The following AGAP3 variants were observed in gnomAD, a reference collection of about 807,000 sequenced individuals.
AGAP3 encodes the protein ArfGAP with GTPase domain, ankyrin repeat and PH domain 3.
In AGAP3, 24 loss-of-function variants were observed where a neutral mutation model predicts 96.9. The ratio of observed to expected loss-of-function variants is 0.25; its 90% CI spans 0.18 to 0.35. The LOEUF is 0.35. Among genes scored for constraint, AGAP3 ranks in the 10% least tolerant of loss-of-function variants. The pLI, the probability that AGAP3 is intolerant of heterozygous loss-of-function variation, is 1.00. For synonymous variants in AGAP3, 563 were observed against 536.1 expected (o/e 1.05, Z -0.69); for missense variants, 876 against 1,254.2 (o/e 0.70, Z 4.55).
intron 7 of AGAP3, 51 bp from the exon 8 acceptor site, chr7:151,119,936 C>T (rs763139117): frequency 1.9e-6 from 3 of 1,594,698 alleles, no homozygotes; most frequent in Non-Finnish European, 2.6e-6. Flanking sequence ...CGCCTGGTGC[C>T]CGTCCCGCCC....
At chr7:151,102,611 A>G (rs904425357) in intron 1 of AGAP3, among the ~76,000 whole-genome samples, 4 of 151,744 alleles carry the variant, frequency 2.6e-5, no homozygotes, top group African/African-American at 7.3e-5. Context: ...AAAAAAAAAA[A>G]AAAATTTCTT....
chr7:151,086,976 G>A lies in AGAP3; in HGVS notation c.235G>A (p.Val79Met). ...IRAEIQRFES[V>M]HPNIYAIYDL... ...GGCCGAGATCCAGCGCTTCGAGTCC[G>A]TGCATCCCAATATCTACGCCATCTA... Residue 79 changes from valine to methionine, a missense_variant, in exon 1 of 18, where the codon GTG becomes ATG. This residue lies in a region of AGAP3 where 131 missense variants were observed against 304.5 expected (regional missense o/e 0.43). Coordinates refer to ENST00000397238, the MANE Select transcript of AGAP3 (RefSeq NM_031946.7). 2 of 1,612,868 alleles carry A rather than the reference G, an allele frequency of 1.2e-6. No individual in the cohort carries two copies. The highest frequency in any genetic ancestry group is 1.7e-6 in the Non-Finnish European group (2 of 1,179,524).
rs371363898 is a variant in AGAP3, at chr7:151,138,296, C to G, written c.1649C>G (p.Pro550Arg). The change falls in exon 12 of 18, where the codon CCA becomes CGA. Residue 550 changes from proline to arginine, a missense_variant. This residue lies in a region of AGAP3 where 155 missense variants were observed against 144.4 expected (regional missense o/e 1.07). Transcript: ENST00000397238. ...QWSEATTSLP[P>R]GMQHPASGPA... ...AGTGAGGCCACCACTTCCCTGCCCC[C>G]AGGCATGCAGCACCCTGGTGAGTGG... 1.9e-6 allele frequency: 3 copies of G among 1,612,062 alleles called. No individual in the cohort carries two copies. The highest frequency in any genetic ancestry group is 2.2e-5 in the East Asian group (1 of 44,822).
chr7:151,086,321 G>A (rs1429356361), upstream of AGAP3, among the ~76,000 whole-genome samples: 1 of 147,410 alleles, frequency 6.8e-6, no homozygotes, highest in African/African-American at 2.5e-5. Flanking sequence ...GAGCCAGCGA[G>A]CGAGCGAGGG....
intron 9 of AGAP3, among the ~76,000 whole-genome samples, chr7:151,125,069 C>T (rs369512821): frequency 1.3e-5 from 2 of 152,194 alleles, no homozygotes; most frequent in Admixed American, 6.5e-5. Flanking sequence ...AGGACAGACC[C>T]TGCACAAACC....
intron 9 of AGAP3, among the ~76,000 whole-genome samples, chr7:151,124,303 G>GGC (rs1379731323): frequency 1.3e-5 from 2 of 152,168 alleles, no homozygotes; most frequent in Non-Finnish European, 2.9e-5. Context: ...TGTTAATAAG[G>GGC]GCCTCTGTTC....
intron 1 of AGAP3, among the ~76,000 whole-genome samples, chr7:151,104,982 A>C (rs1250546031): frequency 6.6e-6 from 1 of 152,170 alleles, no homozygotes; most frequent in Non-Finnish European, 1.5e-5. Flanking sequence ...GTTTGGTGTG[A>C]ACTGCAGCGT....
intron 1 of AGAP3, chr7:151,090,422 C>T (rs1174710706): frequency 7.6e-6 from 1 of 131,600 alleles, no homozygotes; most frequent in Non-Finnish European, 1.5e-5. Flanking sequence ...TTACTTCGAG[C>T]ATTCCAGCCG....
In AGAP3 at chr7:151,142,814, CACA is replaced by C. The variant is rs1284753878; in HGVS notation, c.2273+186_2273+188del. Among the ~76,000 whole-genome samples, 28 of 152,364 alleles carry C rather than the reference CACA, an allele frequency of 1.8e-4. No homozygotes were observed. The East Asian group carries it at 5.4e-3, about 29-fold the overall frequency. On this transcript the variant is annotated intron_variant, in intron 16 of 17. Coordinates refer to ENST00000397238, the MANE Select transcript of AGAP3 (RefSeq NM_031946.7). This position sits in a 1 kb window ranked among gnomAD's most constrained non-coding sequence, Gnocchi z 7.5. ...TCTGGTGCCTGTCACTCAGGCGCCT[CACA>C]ACAACGGGCCCTTTCTGAGCGTTAT...
chr7:151,090,954 A>AC (rs1479062789), intron 1 of AGAP3, among the ~76,000 whole-genome samples: 1 of 152,048 alleles, frequency 6.6e-6, no homozygotes, highest in Non-Finnish European at 1.5e-5. Flanking sequence ...AAAAAAAAAC[A>AC]AAAACAAAAC....
At position 151,087,044 on chromosome 7, in the gene AGAP3, G is replaced by A; in HGVS notation, c.303G>A (p.Gln101=). The A allele has an allele frequency of 1.2e-6, 2 of 1,610,514 alleles. No individual in the cohort carries two copies. Among genetic ancestry groups the A allele is most frequent in the South Asian group, 2.2e-5 (2 of 90,530 alleles). Residue 101 remains glutamine, a synonymous_variant, in exon 1 of 18, where the codon CAG becomes CAA. Transcript: ENST00000397238. ...ERIEDLALQN[Q]IREHVISIED... ...TCGAGGATTTGGCGCTGCAGAACCA[G>A]ATCCGGGAGCACGTCATCTCCATCG... is the stretch of plus-strand genomic sequence containing the variant.
In AGAP3 at chr7:151,143,880, C is replaced by G. The variant is rs528505019; in HGVS notation, c.2673C>G (p.Asn891Lys). The G allele has an allele frequency of 2.5e-6, 4 of 1,614,002 alleles. No individual in the cohort carries two copies. The South Asian group carries it at 4.4e-5, about 18-fold the overall frequency. The change falls in exon 18 of 18, where the codon AAC becomes AAG. Residue 891 changes from asparagine to lysine, a missense_variant. By Grantham distance (94) the Asn-to-Lys change is moderately conservative. Around this residue, in one of 8 missense-constraint regions of AGAP3, gnomAD observed 213 missense variants for 253.8 expected, o/e 0.84. Coordinates refer to ENST00000397238, the MANE Select transcript of AGAP3 (RefSeq NM_031946.7). The surrounding 1 kb of genome is among the most constrained non-coding windows in gnomAD (Gnocchi z 5.9). The part of the protein sequence containing the change: ...GEGCGLAPTP[N>K]REPANGTNPS... ...GCTGTGGCTTAGCGCCTACCCCCAA[C>G]AGAGAGCCTGCCAATGGCACCAACC...
chr7:151,141,737 C>T lies in AGAP3; in HGVS notation c.1805-161C>T, dbSNP rs1670404221. The T allele has an allele frequency of 1.2e-6, 1 of 807,628 alleles. No homozygotes were observed. Among genetic ancestry groups the T allele is most frequent in the African/African-American group, 1.7e-5 (1 of 58,542 alleles). The allele number at this position is 807,628 out of a possible 1,614,324, so 50.0% of individuals were successfully genotyped here. ...GTCTTGCAGGTTTACTCTGGCCTCC[C>T]CCTGCAAGCTGTCCTGGAGTGTGTG... On this transcript the variant is annotated intron_variant, in intron 13 of 17. Coordinates refer to ENST00000397238, the MANE Select transcript of AGAP3 (RefSeq NM_031946.7). This position sits in a 1 kb window ranked among gnomAD's most constrained non-coding sequence, Gnocchi z 4.2.
intron 7 of AGAP3, 45 bp from the exon 8 acceptor site, chr7:151,119,942 C>T (rs367947533): frequency 2.9e-5 from 46 of 1,602,684 alleles, no homozygotes; most frequent in Non-Finnish European, 3.4e-5. Context: ...GTGCCCGTCC[C>T]GCCCCTGACC....
At chr7:151,120,805 C>A in intron 8 of AGAP3, 4 of 1,174,692 alleles carry the variant, frequency 3.4e-6, no homozygotes, top group Non-Finnish European at 4.3e-6. Flanking sequence ...CACCCCACAC[C>A]TGGGGGCTGT....
chr7:151,087,169 C>T (rs1038260733), intron 1 of AGAP3, 97 bp downstream of exon 1: 19 of 1,323,620 alleles, frequency 1.4e-5, no homozygotes, highest in Middle Eastern at 1.8e-4. Flanking sequence ...CTCTCCCTGT[C>T]GGGGGTCCTT....
At chr7:151,092,417 C>T (rs1283058165) in intron 1 of AGAP3, among the ~76,000 whole-genome samples, 1 of 152,204 alleles carries the variant, frequency 6.6e-6, no homozygotes, top group Non-Finnish European at 1.5e-5. Context: ...TAATCTGATG[C>T]TTTCCTCCTG....
At chr7:151,109,546 CCT>C (rs540521018) in intron 1 of AGAP3, among the ~76,000 whole-genome samples, 43 of 152,312 alleles carry the variant, frequency 2.8e-4, no homozygotes, top group African/African-American at 8.7e-4. Flanking sequence ...CAAATTCCCC[CCT>C]TTTATAAGGA....
rs1800904260 is a variant in AGAP3, at chr7:151,143,531, G to T, written c.2464G>T (p.Gly822Trp). Residue 822 changes from glycine to tryptophan, a missense_variant, in exon 17 of 18, where the codon GGG (glycine) becomes TGG (tryptophan). Coordinates refer to ENST00000397238, the MANE Select transcript of AGAP3 (RefSeq NM_031946.7). This position sits in a 1 kb window ranked among gnomAD's most constrained non-coding sequence, Gnocchi z 5.9. ...GAATGAGACCTATGGGGACGGGGAC[G>T]GGCGGACGGCTCTACATCTCTCCAG... The part of the protein sequence containing the change: ...EVNETYGDGD[G>W]RTALHLSSAM... 2.5e-6 allele frequency: 4 copies of T among 1,614,078 alleles called. No individual in the cohort carries two copies. The highest frequency in any genetic ancestry group is 3.4e-6 in the Non-Finnish European group (4 of 1,179,960).
Sources: gnomAD v4.1 joint callset for allele counts (sites outside exome capture counted in the v4.1 genomes callset) on GRCh38, gnomAD v4.1.1 for gene constraint, gnomAD v4.1.1 regional missense constraint, Gnocchi (gnomAD v3.1) non-coding constraint, MANE v1.5 for transcripts, NCBI Gene and HGNC (gene_info 2026-07-23, HGNC 2026-07-21) for gene names.